ULK4: variants seen among roughly 807,000 people sequenced by gnomAD.
The protein encoded by ULK4 is inactive serine/threonine-protein kinase ULK4.
ULK4 carries 133 observed loss-of-function variants against 160.6 expected under a neutral mutation model. The observed-to-expected ratio is 0.83, with a 90% confidence interval of 0.72 to 0.96. The LOEUF is 0.96. Ranked by LOEUF, ULK4 falls within the 40% of genes least tolerant of loss-of-function variation. The pLI is 0.00. For missense variants in ULK4, 1,580 were observed against 1,499.5 expected (o/e 1.05, Z -0.89); for synonymous variants, 534 against 539.8 (o/e 0.99, Z 0.15).
chr3:41,710,996 A>C (rs759041446), intron 25 of ULK4, among the ~76,000 whole-genome samples: 1 of 152,116 alleles, frequency 6.6e-6, no homozygotes, highest in Non-Finnish European at 1.5e-5. Context: ...TGGGCCGACA[A>C]GCGGATGCTG....
chr3:41,280,678 T>C (rs1469470147), intron 35 of ULK4, among the ~76,000 whole-genome samples: 1 of 152,190 alleles, frequency 6.6e-6, no homozygotes, highest in African/African-American at 2.4e-5. Context: ...GGGAAATTTA[T>C]AGCACTAAAT....
rs56321420 is a variant in ULK4, at chr3:41,498,576, C to CT, written c.3227-35324dup. Among the ~76,000 whole-genome samples, 833 of 144,202 alleles carry CT rather than the reference C, an allele frequency of 5.8e-3. 11 individuals carry two copies. The highest frequency in any genetic ancestry group is 0.02 in the African/African-American group (786 of 39,058). 94.6% of individuals were successfully genotyped at this position (144,202 alleles called of 152,430 possible). Reference sequence around the variant, plus strand: ...CATTAGAGAGCTTCTTCTTTTTTTTCTTTTTTTTTTTTTTGCTTTGTTTTT... The same window carrying CT: ...CATTAGAGAGCTTCTTCTTTTTTTTCTTTTTTTTTTTTTTTGCTTTGTTTTT... On this transcript the variant is annotated intron_variant, in intron 32 of 36. Coordinates refer to ENST00000301831, the MANE Select transcript of ULK4 (RefSeq NM_017886.4).
At chr3:41,474,165 T>C (rs988172606) in intron 32 of ULK4, among the ~76,000 whole-genome samples, 6 of 152,212 alleles carry the variant, frequency 3.9e-5, no homozygotes, top group Admixed American at 1.3e-4. Context: ...AATAGACACA[T>C]TGACCAGTAG....
intron 32 of ULK4, among the ~76,000 whole-genome samples, chr3:41,550,306 A>T (rs923651411): frequency 6.6e-6 from 1 of 152,108 alleles, no homozygotes; most frequent in African/African-American, 2.4e-5. Flanking sequence ...ATAACCTTGA[A>T]TATAAATGGA....
chr3:41,846,139 A>C (rs1048585234), intron 17 of ULK4, among the ~76,000 whole-genome samples: 2 of 152,198 alleles, frequency 1.3e-5, no homozygotes, highest in Admixed American at 6.5e-5. Flanking sequence ...CAGCAACCTC[A>C]CATCTCACTT....
intron 29 of ULK4, among the ~76,000 whole-genome samples, chr3:41,680,160 CT>C: frequency 6.6e-6 from 1 of 152,230 alleles, no homozygotes; most frequent in South Asian, 2.1e-4. Context: ...AGGGTATAAT[CT>C]TTTATTGAAT....
chr3:41,260,247 C>T (rs1457913782), intron 35 of ULK4, among the ~76,000 whole-genome samples: 3 of 152,184 alleles, frequency 2.0e-5, no homozygotes, highest in Non-Finnish European at 2.9e-5. Flanking sequence ...GAGAACCTCT[C>T]GTCGGCATGA....
chr3:41,511,861 T>G (rs1348706222), intron 32 of ULK4, among the ~76,000 whole-genome samples: 1 of 152,106 alleles, frequency 6.6e-6, no homozygotes, highest in Non-Finnish European at 1.5e-5. Flanking sequence ...CCAATATCCC[T>G]GATGAACACA....
At chr3:41,409,703 C>T (rs1363293642) in intron 34 of ULK4, among the ~76,000 whole-genome samples, 1 of 152,166 alleles carries the variant, frequency 6.6e-6, no homozygotes, top group East Asian at 1.9e-4. Flanking sequence ...AATCCCAGCA[C>T]TCTGGGAGGC....
intron 19 of ULK4, among the ~76,000 whole-genome samples, chr3:41,817,496 T>C (rs2041010906): frequency 6.6e-6 from 1 of 152,134 alleles, no homozygotes; most frequent in African/African-American, 2.4e-5. Context: ...CTGGAAGCCA[T>C]TATCCTAAAC....
chr3:41,830,943 C>A (rs757417675), intron 18 of ULK4, among the ~76,000 whole-genome samples: 18 of 151,164 alleles, frequency 1.2e-4, no homozygotes, highest in Non-Finnish European at 2.5e-4. Context: ...CAAAGAACTG[C>A]GAGGAAAAGT....
chr3:41,440,423 A>T (rs1474550016), intron 34 of ULK4, among the ~76,000 whole-genome samples: 9 of 152,180 alleles, frequency 5.9e-5, no homozygotes, highest in African/African-American at 2.2e-4. Context: ...ACAATGAAAT[A>T]GTTTTCCTTT....
intron 35 of ULK4, among the ~76,000 whole-genome samples, chr3:41,272,895 T>C (rs556249136): frequency 1.1e-3 from 169 of 152,316 alleles, no homozygotes; most frequent in Non-Finnish European, 2.0e-3. Flanking sequence ...TCAGATATTA[T>C]AGTTTTCATT....
chr3:41,883,725 G>A (rs1697607811), intron 17 of ULK4, 149 bp downstream of exon 17: 1 of 728,168 alleles, frequency 1.4e-6, no homozygotes, highest in Non-Finnish European at 2.4e-6. Flanking sequence ...TAAGCCTAAA[G>A]GTCTGTTGAG....
chr3:41,846,351 A>G (rs1017438190), intron 17 of ULK4, among the ~76,000 whole-genome samples: 1 of 152,226 alleles, frequency 6.6e-6, no homozygotes, highest in African/African-American at 2.4e-5. Flanking sequence ...CCTAGGTACA[A>G]TGGCAGTTGA....
At chr3:41,355,238 C>T (rs751752991) in intron 35 of ULK4, among the ~76,000 whole-genome samples, 3 of 152,070 alleles carry the variant, frequency 2.0e-5, no homozygotes, top group Non-Finnish European at 2.9e-5. Flanking sequence ...AATGGCACAC[C>T]CATACTCTTC....
Position 41,717,827 on chromosome 3 carries a change from T to G in ULK4, c.2356A>C (p.Thr786Pro), listed in dbSNP as rs1457799752. 3.1e-6 allele frequency: 5 copies of G among 1,614,112 alleles called. No homozygotes were observed. The highest frequency in any genetic ancestry group is 1.1e-5 in the South Asian group (1 of 91,076). The change falls in exon 23 of 37, where the codon ACC (threonine) becomes CCC (proline). Residue 786 changes from threonine (T) to proline (P), a missense_variant. By Grantham distance (38) the Thr-to-Pro change is conservative. Coordinates refer to ENST00000301831, the MANE Select transcript of ULK4 (RefSeq NM_017886.4). ...VMYIERDSRK[T>P]TPGKEQQSGN... ...CTTTGCTGCTCCTTGCCTGGAGTGG[T>G]CTTTCTGCTGTCTCTCTCGATGTAC...
intron 27 of ULK4, 55 bp from the exon 28 acceptor site, chr3:41,681,859 A>C: frequency 6.3e-6 from 10 of 1,583,460 alleles, no homozygotes; most frequent in African/African-American, 1.3e-5. Flanking sequence ...AACTGATATC[A>C]ACCACTATCT....
In ULK4 at chr3:41,249,518, C is replaced by T. The variant is rs370443253; in HGVS notation, c.3735G>A (p.Arg1245=). 1.9e-6 allele frequency: 3 copies of T among 1,613,980 alleles called. No individual in the cohort carries two copies. The highest frequency in any genetic ancestry group is 2.5e-6 in the Non-Finnish European group (3 of 1,180,008). Residue 1245 remains arginine (R), a synonymous_variant, in exon 36 of 37, where the codon CGG becomes CGA. Transcript: ENST00000301831. ...TCCCAGGGGCCAGCCGCTCCAGAGC[C>T]CGCAGGAGGCTGCCTGCATTCTTGA... is the stretch of plus-strand genomic sequence containing the variant. ...ESLKNAGSLL[R]ALERLAPGSG...
Sources: gnomAD v4.1 joint callset for allele counts (sites outside exome capture counted in the v4.1 genomes callset) on GRCh38, gnomAD v4.1.1 for gene constraint, MANE v1.5 for transcripts, NCBI Gene and HGNC (gene_info 2026-07-23, HGNC 2026-07-21) for gene names.